The following TXLNB variants were observed in gnomAD, a reference collection of about 807,000 sequenced individuals.
TXLNB encodes the protein beta-taxilin.
TXLNB carries 37 observed loss-of-function variants against 57.4 expected under a neutral mutation model. That is an observed-to-expected ratio of 0.64 (90% confidence interval 0.50 to 0.85). The LOEUF is 0.85. TXLNB is among the 40% of genes least tolerant of loss of function. The pLI is 0.00. For missense variants in TXLNB, 848 were observed against 825.6 expected, an observed-to-expected ratio of 1.03 and a Z score of -0.33; for synonymous variants, 302 against 309.6, an observed-to-expected ratio of 0.98 and a Z score of 0.26.
At chr6:139,293,828 T>C (rs910311322), upstream of TXLNB, among the ~76,000 whole-genome samples, 7 of 152,078 alleles carry the variant, frequency 4.6e-5, no homozygotes, top group African/African-American at 1.7e-4. Context: ...GATAATTAAG[T>C]TAGTGAATTA....
the TXLNB span, among the ~76,000 whole-genome samples, chr6:139,168,943 C>T: frequency 2.6e-5 from 4 of 152,094 alleles, no homozygotes; most frequent in African/African-American, 9.7e-5. Context: ...TCTGATGTTA[C>T]TCTTATTCCT....
the TXLNB span, among the ~76,000 whole-genome samples, chr6:139,176,613 T>C: frequency 6.6e-6 from 1 of 152,232 alleles, no homozygotes; most frequent in African/African-American, 2.4e-5. This position sits in a 1 kb window ranked among gnomAD's most constrained non-coding sequence, Gnocchi z 4.5. Flanking sequence ...AGAAGTTTCG[T>C]GGAGGTTTGG....
chr6:139,218,776 T>A, the TXLNB span, among the ~76,000 whole-genome samples: 3 of 152,122 alleles, frequency 2.0e-5, no homozygotes, highest in African/African-American at 7.2e-5. Context: ...CATAATATTA[T>A]TTGTTAATTG....
rs777340764 is a variant in TXLNB, at chr6:139,255,580, G to C, written c.1061C>G (p.Thr354Arg). Residue 354 changes from threonine (T) to arginine (R), a missense_variant, in exon 7 of 10, where the codon ACA becomes AGA. Physicochemically the swap from Thr to Arg is moderately conservative, Grantham distance 71 (BLOSUM62 -1). Transcript: ENST00000358430. ...LQAKVLKEQE[T>R]VLQAQLTLYS... The stretch of plus-strand genomic sequence containing the variant: ...TGGCCTCACCTGAGCCTGCAGGACT[G>C]TCTCTTGCTCCTTCAGCACTTTCGC... The C allele has an allele frequency of 2.1e-5, 34 of 1,613,744 alleles. No individual in the cohort carries two copies. The South Asian group carries it at 3.3e-4, about 16-fold the overall frequency.
the TXLNB span, among the ~76,000 whole-genome samples, chr6:139,199,118 T>C: frequency 5.9e-5 from 9 of 152,142 alleles, no homozygotes; most frequent in African/African-American, 2.2e-4. Flanking sequence ...ACAGGGCCCA[T>C]GTTGTTAGAA....
chr6:139,186,956 T>C, the TXLNB span, among the ~76,000 whole-genome samples: 1 of 152,144 alleles, frequency 6.6e-6, no homozygotes, highest in South Asian at 2.1e-4. Context: ...GGTGGAGGAA[T>C]ATTAATGAGA....
chr6:139,208,037 C>T, the TXLNB span, among the ~76,000 whole-genome samples: 1 of 152,062 alleles, frequency 6.6e-6, no homozygotes, highest in East Asian at 1.9e-4. Context: ...GATCGCACCA[C>T]TGCACTCCAG....
the TXLNB span, among the ~76,000 whole-genome samples, chr6:139,193,149 C>T: frequency 1.3e-5 from 2 of 151,862 alleles, no homozygotes; most frequent in Non-Finnish European, 2.9e-5. Flanking sequence ...TCCTAACTTA[C>T]TGGCTAGCTC....
chr6:139,224,520 G>C, the TXLNB span, among the ~76,000 whole-genome samples: 1 of 151,742 alleles, frequency 6.6e-6, no homozygotes, highest in Admixed American at 6.6e-5. Flanking sequence ...GTAATTGATA[G>C]CGTTCTGATA....
downstream of TXLNB, among the ~76,000 whole-genome samples, chr6:139,239,894 C>T (rs745815128): frequency 2.0e-5 from 3 of 151,940 alleles, no homozygotes; most frequent in Non-Finnish European, 4.4e-5. This position sits in a 1 kb window ranked among gnomAD's most constrained non-coding sequence, Gnocchi z 4.7. Context: ...ACCCCCGCCC[C>T]CAATATCTTC....
At chr6:139,261,320 C>G (rs1170337268) in intron 5 of TXLNB, among the ~76,000 whole-genome samples, 2 of 151,908 alleles carry the variant, frequency 1.3e-5, no homozygotes, top group African/African-American at 2.4e-5. Context: ...GGGATTGATC[C>G]TTATGACAAG....
the TXLNB span, among the ~76,000 whole-genome samples, chr6:139,312,161 AT>A: frequency 6.6e-6 from 1 of 152,156 alleles, no homozygotes; most frequent in African/African-American, 2.4e-5. Flanking sequence ...TTTTGGTGTC[AT>A]AGTTTTGATG....
At chr6:139,317,880 C>G in the TXLNB span, among the ~76,000 whole-genome samples, 1 of 152,022 alleles carries the variant, frequency 6.6e-6, no homozygotes. Context: ...GAATTTGAGA[C>G]CAGCCTGGGC....
At chr6:139,181,901 GCA>G in the TXLNB span, among the ~76,000 whole-genome samples, 1 of 152,146 alleles carries the variant, frequency 6.6e-6, no homozygotes, top group Admixed American at 6.5e-5. Context: ...TCTTTTATGT[GCA>G]CAATAAACAT....
At chr6:139,233,805 G>C in the TXLNB span, among the ~76,000 whole-genome samples, 1 of 152,178 alleles carries the variant, frequency 6.6e-6, no homozygotes, top group Non-Finnish European at 1.5e-5. Context: ...ATAGTGGGGT[G>C]CTGCTATAAG....
At chr6:139,283,182 A>C (rs752896279) in intron 2 of TXLNB, 2 of 142,094 alleles carry the variant, frequency 1.4e-5, no homozygotes, top group Non-Finnish European at 3.1e-5. Flanking sequence ...TACTGCGTTT[A>C]TTGTAGGAGA....
chr6:139,262,596 A>G lies in TXLNB; in HGVS notation c.865T>C (p.Tyr289His), dbSNP rs747197051. 6.2e-7 allele frequency: 1 copy of G among 1,613,748 alleles called. No individual in the cohort carries two copies. Among genetic ancestry groups the G allele is most frequent in the African/African-American group, 1.3e-5 (1 of 74,870 alleles). ...AEKLKSIIDQ[Y>H]ELREEHLDKI... ...GTTCTCACCTCCTCTCTGAGCTCATACTGATCGATGATGCTTTTCAGCTTT... is the reference window on the plus strand; with the variant it reads ...GTTCTCACCTCCTCTCTGAGCTCATGCTGATCGATGATGCTTTTCAGCTTT... Residue 289 changes from tyrosine (Y) to histidine (H), a missense_variant, in exon 5 of 10, where the codon TAT becomes CAT. Transcript: ENST00000358430.
At chr6:139,302,924 A>C in the TXLNB span, among the ~76,000 whole-genome samples, 2 of 152,136 alleles carry the variant, frequency 1.3e-5, no homozygotes, top group Non-Finnish European at 2.9e-5. Context: ...AGATTTCTGC[A>C]AAAAAATTGA....
chr6:139,276,248 T>TAATTG (rs1776892234), intron 3 of TXLNB, among the ~76,000 whole-genome samples: 1 of 152,208 alleles, frequency 6.6e-6, no homozygotes, highest in African/African-American at 2.4e-5. Flanking sequence ...TTAATAAAGT[T>TAATTG]TCCCAAACTA....
Sources: allele counts gnomAD v4.1 joint callset (sites outside exome capture counted in the v4.1 genomes callset), GRCh38; gene constraint gnomAD v4.1.1; non-coding constraint Gnocchi (gnomAD v3.1); transcripts MANE v1.5; gene names NCBI Gene and HGNC (gene_info 2026-07-23, HGNC 2026-07-21).